The following LPP variants were observed in gnomAD, a reference collection of about 807,000 sequenced individuals.
LPP encodes the protein LIM domain containing preferred translocation partner in lipoma, also known as lipoma-preferred partner.
A neutral mutation model predicts 60.4 loss-of-function variants in LPP; 38 were observed. The observed-to-expected ratio is 0.63, with a 90% CI of 0.49 to 0.83. The LOEUF (loss-of-function observed/expected upper bound fraction) is 0.83. LPP is among the 40% of genes least tolerant of loss of function. The pLI is 0.00. For synonymous variants in LPP, 328 were observed against 290.8 expected, an observed-to-expected ratio of 1.13 and a Z score of -1.30; for missense variants, 902 against 783.6, an observed-to-expected ratio of 1.15 and a Z score of -1.80.
intron 6 of LPP, among the ~76,000 whole-genome samples, chr3:188,557,997 A>G (rs1410441816): frequency 6.6e-6 from 1 of 152,114 alleles, no homozygotes; most frequent in Non-Finnish European, 1.5e-5. Flanking sequence ...GGATGTTATC[A>G]GTATTTTTGA....
In LPP at chr3:188,742,192, T is replaced by C. The variant is rs116477087; in HGVS notation, c.1241-17921T>C. Among the ~76,000 whole-genome samples the C allele has an allele frequency of 7.1e-3, 1,076 of 152,208 alleles. 20 individuals are homozygous for C. Among genetic ancestry groups the C allele is most frequent in the African/African-American group, 0.024 (1,011 of 41,542 alleles). ...CAATTGAAATTCTCATACACTGCAG[T>C]TGAGGATGTAACATGGTACTGCCAC... is the stretch of plus-strand genomic sequence containing the variant. On this transcript the variant is annotated intron_variant, in intron 8 of 11. Coordinates refer to ENST00000617246, the MANE Select transcript of LPP (RefSeq NM_001375462.1).
chr3:188,282,427 G>T (rs1742426038), intron 2 of LPP, among the ~76,000 whole-genome samples: 1 of 152,162 alleles, frequency 6.6e-6, no homozygotes, highest in Admixed American at 6.6e-5. Flanking sequence ...CTGGAATGCA[G>T]GGTGACAGGA....
rs549464228 is a variant in LPP at position 188,458,736 on chromosome 3, T to C, written c.194-25856T>C. On this transcript the variant is annotated intron_variant, in intron 4 of 11. Coordinates refer to ENST00000617246, the MANE Select transcript of LPP (RefSeq NM_001375462.1). ...ACATCTCTCAACCATAAATAACATG[T>C]CAGGAGAGCTCTTTTGCAAGATGTT... Among the ~76,000 whole-genome samples, 9 of 152,306 alleles carry C rather than the reference T, an allele frequency of 5.9e-5. No homozygotes were observed. The South Asian group carries it at 1.9e-3, about 32-fold the overall frequency.
At chr3:188,174,928 G>A (rs1016065305) in intron 1 of LPP, among the ~76,000 whole-genome samples, 1 of 151,976 alleles carries the variant, frequency 6.6e-6, no homozygotes. Context: ...ACCTTCTCTT[G>A]TAGTTATCAA....
intron 7 of LPP, among the ~76,000 whole-genome samples, chr3:188,687,468 A>T (rs1861040493): frequency 6.6e-6 from 1 of 151,972 alleles, no homozygotes; most frequent in South Asian, 2.1e-4. Context: ...GGGAGTTCTT[A>T]TGAGATCTGA....
intron 9 of LPP, among the ~76,000 whole-genome samples, chr3:188,821,611 A>T (rs2151453084): frequency 6.6e-6 from 1 of 152,188 alleles, no homozygotes; most frequent in East Asian, 1.9e-4. Context: ...ATATATGTGC[A>T]TATATAGTGA....
chr3:188,206,331 T>G (rs781546247), intron 1 of LPP, among the ~76,000 whole-genome samples: 37 of 152,230 alleles, frequency 2.4e-4, no homozygotes, highest in Non-Finnish European at 4.6e-4. Flanking sequence ...TTGACCTGCA[T>G]TTTGCAACCT....
chr3:188,872,551 C>T (rs1768388340), intron 10 of LPP, 92 bp from the exon 11 acceptor site: 11 of 1,422,224 alleles, frequency 7.7e-6, no homozygotes, highest in African/African-American at 1.4e-5. Flanking sequence ...GCAGGTATAC[C>T]GACTCTCAGT....
chr3:188,802,070 T>C (rs1747439149), intron 9 of LPP, among the ~76,000 whole-genome samples: 1 of 152,188 alleles, frequency 6.6e-6, no homozygotes, highest in Non-Finnish European at 1.5e-5. Flanking sequence ...TTTTTAGATT[T>C]GAAAGAAAAA....
chr3:188,267,161 T>G (rs1735874851), intron 2 of LPP, among the ~76,000 whole-genome samples: 1 of 152,144 alleles, frequency 6.6e-6, no homozygotes, highest in Non-Finnish European at 1.5e-5. Flanking sequence ...GAACATTCTG[T>G]TCCCTCTAGC....
At chr3:188,871,370 G>A (rs920368037) in intron 10 of LPP, among the ~76,000 whole-genome samples, 2 of 152,136 alleles carry the variant, frequency 1.3e-5, no homozygotes, top group Non-Finnish European at 2.9e-5. Flanking sequence ...TCTGATTACT[G>A]CTGCAGTGGT....
At chr3:188,361,262 T>A (rs763037817) in intron 3 of LPP, among the ~76,000 whole-genome samples, 2 of 152,186 alleles carry the variant, frequency 1.3e-5, no homozygotes, top group Middle Eastern at 3.2e-3. Context: ...GAACTTCTCA[T>A]GTACACTTGA....
rs527719142 is a variant in LPP at position 188,508,361 on chromosome 3, C to A, written c.307-16304C>A. Among the ~76,000 whole-genome samples, 5 of 152,250 alleles carry A rather than the reference C, an allele frequency of 3.3e-5. No individual in the cohort carries two copies. In the South Asian group the frequency reaches 8.3e-4, roughly 25 times the overall value. ...AATGTTACTAGAGGAAATGTTGATA[C>A]CAATGAGCAAATATTGCCCTTTGTT... On this transcript the variant is annotated intron_variant, in intron 5 of 11. Coordinates refer to ENST00000617246, the MANE Select transcript of LPP (RefSeq NM_001375462.1).
At chr3:188,746,635 C>G in intron 8 of LPP, 1 of 440,864 alleles carries the variant, frequency 2.3e-6, no homozygotes, top group African/African-American at 2.0e-5. Flanking sequence ...CTGAGCGTAT[C>G]CATTTTTATG....
intron 9 of LPP, among the ~76,000 whole-genome samples, chr3:188,791,310 G>A (rs971562285): frequency 6.6e-6 from 1 of 152,126 alleles, no homozygotes; most frequent in African/African-American, 2.4e-5. Flanking sequence ...AAAAGTGAAT[G>A]GTCTTTGTGA....
At chr3:188,561,041 G>A (rs960163814) in intron 6 of LPP, among the ~76,000 whole-genome samples, 12 of 152,064 alleles carry the variant, frequency 7.9e-5, no homozygotes, top group Non-Finnish European at 1.8e-4. Context: ...GAATGTAAAT[G>A]TGATTTCCAA....
intron 4 of LPP, among the ~76,000 whole-genome samples, chr3:188,459,846 G>C (rs938294787): frequency 1.3e-5 from 2 of 152,006 alleles, no homozygotes; most frequent in Non-Finnish European, 2.9e-5. Flanking sequence ...TCATGGGGGG[G>C]GGTTCTTTGT....
chr3:188,346,189 C>G (rs1764296679), intron 3 of LPP, among the ~76,000 whole-genome samples: 1 of 149,720 alleles, frequency 6.7e-6, no homozygotes, highest in African/African-American at 2.5e-5. Context: ...TTTATTAAAT[C>G]TACTTTTTCT....
chr3:188,214,320 AG>A (rs1187412291), intron 1 of LPP, among the ~76,000 whole-genome samples: 1 of 151,982 alleles, frequency 6.6e-6, no homozygotes, highest in Non-Finnish European at 1.5e-5. Flanking sequence ...TAGTAGAGAC[AG>A]GGTTTCACCA....
Sources: allele counts gnomAD v4.1 joint callset (sites outside exome capture counted in the v4.1 genomes callset), GRCh38; gene constraint gnomAD v4.1.1; transcripts MANE v1.5; gene names NCBI Gene and HGNC (gene_info 2026-07-23, HGNC 2026-07-21).